SDK2: variants seen among roughly 807,000 people sequenced by gnomAD.
SDK2 encodes the protein sidekick cell adhesion molecule 2.
Under a neutral mutation model 253.9 loss-of-function variants are expected in SDK2, and 105 were observed. That is an observed-to-expected ratio of 0.41 (90% CI 0.35 to 0.49). The LOEUF is 0.49. SDK2 is among the 20% of genes least tolerant of loss of function. The probability of loss-of-function intolerance (pLI) is 0.06; values close to 1 mark genes in which losing one functional copy is unlikely to be tolerated. For synonymous variants in SDK2, 1,249 were observed against 1,234.9 expected, an observed-to-expected ratio of 1.01 and a Z score of -0.24; for missense variants, 2,608 against 3,003.0, an observed-to-expected ratio of 0.87 and a Z score of 3.07.
At chr17:73,601,668 G>T (rs2045842735) in intron 1 of SDK2, among the ~76,000 whole-genome samples, 1 of 152,146 alleles carries the variant, frequency 6.6e-6, no homozygotes, top group African/African-American at 2.4e-5. Flanking sequence ...CCCGGGACAA[G>T]CTCTCCTTGG....
At chr17:73,362,774 G>A (rs2062652079) in intron 38 of SDK2, among the ~76,000 whole-genome samples, 1 of 152,222 alleles carries the variant, frequency 6.6e-6, no homozygotes, top group Non-Finnish European at 1.5e-5. Context: ...CCAGCTTTCA[G>A]GAGGTGGGGG....
rs1160489994 is a variant in SDK2, at chr17:73,351,114, T to C, written c.5759-324A>G. Among the ~76,000 whole-genome samples the C allele has an allele frequency of 1.7e-3, 145 of 86,800 alleles. 3 individuals carry two copies. The highest frequency in any genetic ancestry group is 6.4e-3 in the African/African-American group (103 of 15,986). 56.9% of individuals were successfully genotyped at this position (86,800 alleles called of 152,430 possible). A position where few individuals can be genotyped will look rare whatever the true frequency, so the allele number is the denominator to read the frequency against. ...CAGTGTGTTAGCTACTTTTTCCCCT[T>C]TTTTTTTTTTTTGAGACGGAGTTTC... On this transcript the variant is annotated intron_variant, in intron 41 of 44. Coordinates refer to ENST00000392650, the MANE Select transcript of SDK2 (RefSeq NM_001144952.2).
intron 1 of SDK2, among the ~76,000 whole-genome samples, chr17:73,617,229 C>G (rs572639171): frequency 2.7e-5 from 3 of 112,774 alleles, no homozygotes; most frequent in South Asian, 3.3e-4. Flanking sequence ...AGAGGGCTCC[C>G]GCAGAGGGGA....
chr17:73,610,405 C>A (rs986536063), intron 1 of SDK2, among the ~76,000 whole-genome samples: 2 of 152,210 alleles, frequency 1.3e-5, no homozygotes, highest in African/African-American at 4.8e-5. Context: ...GGAAAAAAAT[C>A]AATCAACTGA....
chr17:73,362,533 A>T (rs1224112885), intron 38 of SDK2, among the ~76,000 whole-genome samples: 4 of 151,934 alleles, frequency 2.6e-5, no homozygotes, highest in Admixed American at 2.0e-4. Flanking sequence ...CTAAGACTGT[A>T]GGTGTGCACC....
chr17:73,430,670 G>C, intron 11 of SDK2, 57 bp from the exon 12 acceptor site: 1 of 1,189,608 alleles, frequency 8.4e-7, no homozygotes, highest in South Asian at 1.7e-5. Flanking sequence ...TGTGTGGCTG[G>C]ACTCTGGGTG....
intron 1 of SDK2, among the ~76,000 whole-genome samples, chr17:73,587,456 C>A (rs2045617700): frequency 6.6e-6 from 1 of 152,244 alleles, no homozygotes; most frequent in Admixed American, 6.5e-5. Flanking sequence ...AGCATCACCA[C>A]CCTACTTAGC....
At chr17:73,630,042 C>G (rs1254784657) in intron 1 of SDK2, among the ~76,000 whole-genome samples, 3 of 152,168 alleles carry the variant, frequency 2.0e-5, no homozygotes, top group Non-Finnish European at 4.4e-5. Flanking sequence ...CATGTGTTAA[C>G]TGAGCTTTGC....
At chr17:73,579,701 A>G (rs2045506844) in intron 1 of SDK2, among the ~76,000 whole-genome samples, 1 of 151,750 alleles carries the variant, frequency 6.6e-6, no homozygotes. Context: ...TAGAGGCTGG[A>G]CGCGGTGGCT....
At chr17:73,524,904 G>A (rs2064113127) in intron 1 of SDK2, among the ~76,000 whole-genome samples, 1 of 152,280 alleles carries the variant, frequency 6.6e-6, no homozygotes, top group Non-Finnish European at 1.5e-5. Flanking sequence ...TCAGGCAGGA[G>A]CAAGGGTTCC....
intron 24 of SDK2, among the ~76,000 whole-genome samples, chr17:73,397,299 T>TG (rs1189566636): frequency 6.6e-6 from 1 of 152,130 alleles, no homozygotes; most frequent in Non-Finnish European, 1.5e-5. Context: ...GAGGGCCTGG[T>TG]GGGGAGAAGT....
chr17:73,578,060 C>CT lies in SDK2; in HGVS notation c.64+65964dup, dbSNP rs34300652. ...CCAGGGTCTTGAGCCCTATGGACAT[C>CT]TTTTTTTTTTTTTTTTTGAGATGGA... On this transcript the variant is annotated intron_variant, in intron 1 of 44. Coordinates refer to ENST00000392650, the MANE Select transcript of SDK2 (RefSeq NM_001144952.2). 2.1e-3 allele frequency among the ~76,000 whole-genome samples: 296 copies of CT among 139,022 alleles called. 2 individuals carry two copies. The highest frequency in any genetic ancestry group is 8.8e-3 in the East Asian group (42 of 4,784). 91.2% of individuals were successfully genotyped at this position (139,022 alleles called of 152,430 possible).
chr17:73,454,492 T>C (rs539595941), intron 4 of SDK2, among the ~76,000 whole-genome samples: 1 of 152,340 alleles, frequency 6.6e-6, no homozygotes, highest in Non-Finnish European at 1.5e-5. Flanking sequence ...ACCCAGCACC[T>C]CACCGGGTTG....
At chr17:73,385,375 C>T (rs576229613) in intron 32 of SDK2, among the ~76,000 whole-genome samples, 48 of 152,272 alleles carry the variant, frequency 3.2e-4, no homozygotes, top group Admixed American at 5.9e-4. Flanking sequence ...TCTCTACTTG[C>T]ACAGTGATGA....
At chr17:73,458,421 T>G (rs2063542552) in intron 3 of SDK2, among the ~76,000 whole-genome samples, 1 of 152,222 alleles carries the variant, frequency 6.6e-6, no homozygotes, top group Non-Finnish European at 1.5e-5. Context: ...AGTACCTGAT[T>G]CACTCTCTTG....
intron 2 of SDK2, among the ~76,000 whole-genome samples, chr17:73,506,587 T>A (rs1389374295): frequency 2.0e-5 from 3 of 152,314 alleles, no homozygotes; most frequent in Middle Eastern, 3.4e-3. Flanking sequence ...AGCAGATTTG[T>A]GTCAACATCC....
Position 73,472,098 on chromosome 17 carries a change from C to T in SDK2, c.331+14G>A. The stretch of plus-strand genomic sequence containing the variant: ...CAGTCGCCCCCCCTGCCCCTGGGTC[C>T]CCATTGTACTCACAGGCCACCTGGA... On this transcript the variant is annotated intron_variant, in intron 3 of 44. Transcript: ENST00000392650. 1 of 1,542,046 alleles carries T rather than the reference C, an allele frequency of 6.5e-7. No homozygotes were observed. Among genetic ancestry groups the T allele is most frequent in the Admixed American group, 2.0e-5 (1 of 50,964 alleles).
At position 73,380,882 on chromosome 17, in the gene SDK2, A is replaced by C. The variant is rs2062824590; in HGVS notation, c.4762+12T>G. The C allele has an allele frequency of 2.6e-6, 4 of 1,562,714 alleles. No homozygotes were observed. In the East Asian group the frequency reaches 9.6e-5, roughly 37 times the overall value. On this transcript the variant is annotated intron_variant, in intron 34 of 44. Coordinates refer to ENST00000392650, the MANE Select transcript of SDK2 (RefSeq NM_001144952.2). The stretch of plus-strand genomic sequence containing the variant: ...TGGGCCCGCGATGAAGCCACCATGC[A>C]AGGAGACTTACTGTCCAGCTCGTAC...
intron 18 of SDK2, among the ~76,000 whole-genome samples, chr17:73,410,804 G>T (rs1423128377): frequency 1.3e-5 from 2 of 152,216 alleles, no homozygotes; most frequent in Non-Finnish European, 2.9e-5. Context: ...GTAGCTACTG[G>T]GGGCTGGGCA....
Sources: allele counts gnomAD v4.1 joint callset (sites outside exome capture counted in the v4.1 genomes callset), GRCh38; gene constraint gnomAD v4.1.1; transcripts MANE v1.5; gene names NCBI Gene and HGNC (gene_info 2026-07-23, HGNC 2026-07-21).